The following VPS50 variants were observed in gnomAD, a reference collection of about 807,000 sequenced individuals.
VPS50 encodes syndetin.
VPS50 carries 70 observed loss-of-function variants against 139.7 expected under a neutral mutation model. That is an observed-to-expected ratio of 0.50 (90% CI 0.41 to 0.61). The LOEUF is 0.61. Ranked by LOEUF, VPS50 falls within the 20% of genes least tolerant of loss-of-function variation. The pLI is 0.00. For synonymous variants in VPS50, 365 were observed against 376.7 expected (o/e 0.97, Z 0.36); for missense variants, 921 against 1,133.7 (o/e 0.81, Z 2.69).
rs528918780 is a variant in VPS50 at position 93,300,918 on chromosome 7, A to G, written c.1362-2542A>G. ...ACAGCAATATGATGGGTTTAAACCT[A>G]TTAATAATTATGCCAACAAATACAT... is the stretch of plus-strand genomic sequence containing the variant. On this transcript the variant is annotated intron_variant, in intron 16 of 27. Transcript: ENST00000305866. 3.3e-5 allele frequency among the ~76,000 whole-genome samples: 5 copies of G among 152,294 alleles called. No homozygotes were observed. In the East Asian group the frequency reaches 7.7e-4, roughly 23 times the overall value.
chr7:93,283,711 T>C (rs990746457), intron 12 of VPS50, among the ~76,000 whole-genome samples: 12 of 152,140 alleles, frequency 7.9e-5, no homozygotes, highest in Admixed American at 2.6e-4. Flanking sequence ...AATATCTCTT[T>C]AAGGTTTGCA....
intron 9 of VPS50, among the ~76,000 whole-genome samples, chr7:93,260,462 G>A (rs1795630520): frequency 6.6e-6 from 1 of 152,132 alleles, no homozygotes; most frequent in Non-Finnish European, 1.5e-5. Context: ...ACTCACTGTT[G>A]TTGTAGATGT....
At chr7:93,290,855 T>G (rs987991870) in intron 12 of VPS50, among the ~76,000 whole-genome samples, 1 of 152,036 alleles carries the variant, frequency 6.6e-6, no homozygotes, top group Non-Finnish European at 1.5e-5. Context: ...TGTGACATCA[T>G]GAGCATCAAC....
intron 23 of VPS50, among the ~76,000 whole-genome samples, chr7:93,343,289 A>G (rs1181687040): frequency 6.6e-6 from 1 of 152,186 alleles, no homozygotes; most frequent in Non-Finnish European, 1.5e-5. Context: ...GAGAAAAGAG[A>G]ATAAAAAGAA....
At position 93,232,451 on chromosome 7, in the gene VPS50, C is replaced by T. The variant is rs369703869; in HGVS notation, c.-17C>T. 1 of 1,611,016 alleles carries T rather than the reference C, an allele frequency of 6.2e-7. No individual in the cohort carries two copies. Among genetic ancestry groups the T allele is most frequent in the African/African-American group, 1.3e-5 (1 of 74,834 alleles). On this transcript the variant is annotated 5_prime_UTR_variant, in exon 1 of 28. Coordinates refer to ENST00000305866, the MANE Select transcript of VPS50 (RefSeq NM_017667.4). ...TGTTAGCTCTTTGAGGCAGGGTACCCTCCTCAGGATTTCGATATGCAAAAA... is the reference window on the plus strand; with the variant it reads ...TGTTAGCTCTTTGAGGCAGGGTACCTTCCTCAGGATTTCGATATGCAAAAA...
chr7:93,283,491 T>C (rs890162138), intron 12 of VPS50, among the ~76,000 whole-genome samples: 1 of 152,032 alleles, frequency 6.6e-6, no homozygotes, highest in African/African-American at 2.4e-5. Flanking sequence ...CTGCCTTGGC[T>C]TCCCAAAGTG....
At chr7:93,265,779 C>A (rs976211385) in intron 9 of VPS50, among the ~76,000 whole-genome samples, 5 of 152,044 alleles carry the variant, frequency 3.3e-5, no homozygotes, top group African/African-American at 1.2e-4. Flanking sequence ...GTTAGCCAGG[C>A]TGGTCTCAAA....
rs1346533109 is a variant in VPS50 at position 93,245,167 on chromosome 7, TG to T, written c.102+5235del. ...AAATGTATTCAGGATCTTTTAGAGTTGGCGATTAATTTTTTTAAGAAAGATT... is the reference window on the plus strand; with the variant it reads ...AAATGTATTCAGGATCTTTTAGAGTTGCGATTAATTTTTTTAAGAAAGATT... On this transcript the variant is annotated intron_variant, in intron 2 of 27. Coordinates refer to ENST00000305866, the MANE Select transcript of VPS50 (RefSeq NM_017667.4). Among the ~76,000 whole-genome samples the T allele has an allele frequency of 5.9e-5, 9 of 151,924 alleles. No individual in the cohort carries two copies. In the East Asian group the frequency reaches 1.5e-3, roughly 26 times the overall value.
rs778863755 is a variant in VPS50, at chr7:93,312,494, T to G, written c.1855+1222T>G. Reference sequence around the variant, plus strand: ...AAGACTACTCATTCTATCATTAGACTGATCTCATTAGTAGAAGTATCTTCC... The same window carrying G: ...AAGACTACTCATTCTATCATTAGACGGATCTCATTAGTAGAAGTATCTTCC... On this transcript the variant is annotated intron_variant, in intron 20 of 27. Coordinates refer to ENST00000305866, the MANE Select transcript of VPS50 (RefSeq NM_017667.4). Among the ~76,000 whole-genome samples the G allele has an allele frequency of 1.1e-3, 170 of 152,310 alleles. 2 individuals are homozygous for G. Among genetic ancestry groups the G allele is most frequent in the Non-Finnish European group, 1.4e-3 (94 of 68,016 alleles).
intron 14 of VPS50, among the ~76,000 whole-genome samples, chr7:93,295,915 G>A (rs919317059): frequency 6.6e-6 from 1 of 151,970 alleles, no homozygotes; most frequent in African/African-American, 2.4e-5. Flanking sequence ...TGGTGGATAT[G>A]GGGTCTTGCT....
At chr7:93,346,439 A>G (rs922764061) in intron 23 of VPS50, among the ~76,000 whole-genome samples, 3 of 152,206 alleles carry the variant, frequency 2.0e-5, no homozygotes, top group Non-Finnish European at 4.4e-5. Flanking sequence ...CCATCAAGCT[A>G]CCAATGACTT....
intron 2 of VPS50, among the ~76,000 whole-genome samples, chr7:93,247,983 A>G (rs531125294): frequency 4.6e-5 from 7 of 152,096 alleles, no homozygotes; most frequent in African/African-American, 1.7e-4. Context: ...GTTGATTACC[A>G]TTGACAGCAA....
At chr7:93,344,155 A>G (rs1210005181) in intron 23 of VPS50, among the ~76,000 whole-genome samples, 4 of 152,206 alleles carry the variant, frequency 2.6e-5, no homozygotes, top group African/African-American at 7.2e-5. Flanking sequence ...CAAATCGAAA[A>G]CAAAAAAAGG....
chr7:93,287,243 G>T (rs987257702), intron 12 of VPS50, among the ~76,000 whole-genome samples: 1 of 151,980 alleles, frequency 6.6e-6, no homozygotes, highest in Non-Finnish European at 1.5e-5. Flanking sequence ...GGTTTAGCTA[G>T]ATCTCTGGAT....
intron 20 of VPS50, among the ~76,000 whole-genome samples, chr7:93,312,215 T>C (rs1797289618): frequency 6.6e-6 from 1 of 152,148 alleles, no homozygotes; most frequent in Non-Finnish European, 1.5e-5. Context: ...GAAAAAAGGA[T>C]AGATTCTAAA....
intron 12 of VPS50, among the ~76,000 whole-genome samples, chr7:93,291,210 CAGATATAG>C (rs1432758717): frequency 1.3e-5 from 2 of 152,032 alleles, no homozygotes; most frequent in Non-Finnish European, 2.9e-5. Flanking sequence ...ATGTTATTGT[CAGATATAG>C]AATATCTATT....
At chr7:93,252,821 G>C in intron 3 of VPS50, 46 bp downstream of exon 3, 4 of 1,485,894 alleles carry the variant, frequency 2.7e-6, no homozygotes, top group African/African-American at 1.4e-5. Flanking sequence ...GTTTTGTTCA[G>C]TGATTGGATT....
rs73417388 is a variant in VPS50, at chr7:93,352,926, C to T, written c.2464-714C>T. Among the ~76,000 whole-genome samples the T allele has an allele frequency of 8.0e-3, 1,219 of 152,072 alleles. 16 individuals are homozygous for T. The highest frequency in any genetic ancestry group is 0.026 in the African/African-American group (1,073 of 41,472). The stretch of plus-strand genomic sequence containing the variant: ...GTATACAGGTTGAGCATCCCAAATT[C>T]GAAAATCCAGTATTTCAAATAATCC... On this transcript the variant is annotated intron_variant, in intron 25 of 27. Coordinates refer to ENST00000305866, the MANE Select transcript of VPS50 (RefSeq NM_017667.4).
intron 22 of VPS50, 64 bp from the exon 23 acceptor site, chr7:93,341,363 A>G: frequency 1.8e-6 from 2 of 1,128,362 alleles, no homozygotes; most frequent in Non-Finnish European, 2.5e-6. Context: ...TAATTTTGTC[A>G]AAATCACGTG....
Sources: allele counts gnomAD v4.1 joint callset (sites outside exome capture counted in the v4.1 genomes callset), GRCh38; gene constraint gnomAD v4.1.1; transcripts MANE v1.5; gene names NCBI Gene and HGNC (gene_info 2026-07-23, HGNC 2026-07-21).